The following LPA variants were observed in gnomAD, a reference collection of about 807,000 sequenced individuals.
The protein encoded by LPA is lipoprotein(a), also known as apolipoprotein(a).
Under a neutral mutation model 197.9 loss-of-function variants are expected in LPA, and 199 were observed. The observed-to-expected ratio is 1.01, with a 90% CI of 0.90 to 1.13. LPA has a LOEUF of 1.13. Among genes scored for constraint, LPA ranks in the 50% most tolerant of loss-of-function variants. The pLI, the probability that LPA is intolerant of heterozygous loss-of-function variation, is 0.00. For synonymous variants in LPA, 715 were observed against 639.5 expected (o/e 1.12, Z -1.78); for missense variants, 1,853 against 1,785.8 (o/e 1.04, Z -0.68).
intron 19 of LPA, 82 bp downstream of exon 19, chr6:160,600,835 T>G (rs900201324): frequency 5.4e-6 from 8 of 1,469,754 alleles, no homozygotes; most frequent in Non-Finnish European, 6.6e-6. Context: ...AGTGTAGCAC[T>G]GAAGGGTTGT....
At chr6:160,660,053 TACA>T (rs1356842074) in intron 1 of LPA, among the ~76,000 whole-genome samples, 8,610 of 119,286 alleles carry the variant, frequency 0.072, no homozygotes, top group African/African-American at 0.15. Flanking sequence ...TTATTAAGAA[TACA>T]AGAAGTACAA....
intron 2 of LPA, among the ~76,000 whole-genome samples, chr6:160,647,625 A>C (rs1249495228): frequency 6.6e-6 from 1 of 152,174 alleles, no homozygotes; most frequent in Non-Finnish European, 1.5e-5. Context: ...TCAGAGTTAA[A>C]AACTTTGTGA....
At chr6:160,573,345 CTT>C (rs200682905) in intron 28 of LPA, among the ~76,000 whole-genome samples, 1 of 145,768 alleles carries the variant, frequency 6.9e-6, no homozygotes. Context: ...CTTCTTATAC[CTT>C]TTTTTTTTTG....
rs1045361457 is a variant in LPA, at chr6:160,596,368, A to G, written c.3288-833T>C. The stretch of plus-strand genomic sequence containing the variant: ...TCACTGGTTTGGACTACTTCCTTCC[A>G]TCTGCTTTCCTTGGCTCTTATTTGC... On this transcript the variant is annotated intron_variant, in intron 20 of 38. Transcript: ENST00000316300. Among the ~76,000 whole-genome samples, 3 of 147,920 alleles carry G rather than the reference A, an allele frequency of 2.0e-5. 1 individual carries two copies. The highest frequency in any genetic ancestry group is 4.5e-5 in the Non-Finnish European group (3 of 67,300).
chr6:160,554,845 G>A (rs534073573), intron 30 of LPA, among the ~76,000 whole-genome samples: 1 of 152,024 alleles, frequency 6.6e-6, no homozygotes. Context: ...CCAAACTCCA[G>A]TCTCTTTCCT....
At chr6:160,565,960 GAGAAGAGAAGTTT>G (rs1778445899) in intron 28 of LPA, among the ~76,000 whole-genome samples, 1 of 152,240 alleles carries the variant, frequency 6.6e-6, no homozygotes, top group African/African-American at 2.4e-5. Context: ...GAAATGAAGC[GAGAAGAGAAGTTT>G]AGAGAAAAAA....
chr6:160,609,911 T>C (rs536338987), intron 16 of LPA, among the ~76,000 whole-genome samples: 1 of 152,192 alleles, frequency 6.6e-6, no homozygotes, highest in East Asian at 1.9e-4. Flanking sequence ...ACATCTAAAT[T>C]TTTCAGGCGG....
chr6:160,656,825 C>G (rs1034028826), intron 1 of LPA, among the ~76,000 whole-genome samples: 1 of 152,146 alleles, frequency 6.6e-6, no homozygotes, highest in African/African-American at 2.4e-5. Flanking sequence ...TTTTATAATT[C>G]AGATTAGTCT....
chr6:160,588,961 T>C (rs1359512497), intron 24 of LPA, among the ~76,000 whole-genome samples: 1 of 152,212 alleles, frequency 6.6e-6, no homozygotes, highest in Admixed American at 6.5e-5. Flanking sequence ...TGGGTTTCTG[T>C]CCATCTTCCT....
chr6:160,590,861 G>C, intron 23 of LPA, 83 bp downstream of exon 23: 1 of 1,565,502 alleles, frequency 6.4e-7, no homozygotes, highest in East Asian at 2.3e-5. Context: ...GTGCAGCATG[G>C]AAGGCTTCTG....
intron 17 of LPA, among the ~76,000 whole-genome samples, chr6:160,605,708 G>A (rs117834984): frequency 6.6e-6 from 1 of 152,156 alleles, no homozygotes; most frequent in Non-Finnish European, 1.5e-5. Context: ...TGGGCCATGG[G>A]AGAGACAACA....
rs553540292 is a variant in LPA, at chr6:160,536,313, G to A, written c.5842+1542C>T. Among the ~76,000 whole-genome samples, 7 of 152,260 alleles carry A rather than the reference G, an allele frequency of 4.6e-5. No individual in the cohort carries two copies. In the South Asian group the frequency reaches 1.5e-3, roughly 32 times the overall value. ...GCTCACTAAGAATTTCCCTTGTTTT[G>A]CTTAATCCAATTTGAGTTGGATTTT... On this transcript the variant is annotated intron_variant, in intron 37 of 38. Transcript: ENST00000316300.
chr6:160,550,700 C>T (rs924885868), intron 30 of LPA, among the ~76,000 whole-genome samples: 1 of 152,206 alleles, frequency 6.6e-6, no homozygotes, highest in Admixed American at 6.5e-5. Context: ...CTACTCTCTT[C>T]CCATGGCCAG....
intron 18 of LPA, among the ~76,000 whole-genome samples, chr6:160,604,323 C>T (rs1583614167): frequency 3.3e-5 from 5 of 152,108 alleles, no homozygotes; most frequent in South Asian, 2.1e-4. Context: ...CTCATTGTTC[C>T]CCCTGTCACT....
At chr6:160,581,197 T>C (rs1279810876) in intron 26 of LPA, among the ~76,000 whole-genome samples, 1 of 152,174 alleles carries the variant, frequency 6.6e-6, no homozygotes, top group East Asian at 1.9e-4. Flanking sequence ...TTAAATTGCT[T>C]TGCTACCTGT....
intron 28 of LPA, among the ~76,000 whole-genome samples, chr6:160,568,541 GC>G (rs2115022029): frequency 6.6e-6 from 1 of 152,126 alleles, no homozygotes; most frequent in Non-Finnish European, 1.5e-5. Context: ...TACTGAATGG[GC>G]AAAAACTGGA....
chr6:160,591,079 T>C lies in LPA; in HGVS notation c.3652A>G (p.Arg1218Gly), dbSNP rs756035439. The stretch of plus-strand genomic sequence containing the variant: ...GGACTAATCTCAGCATCTGGATTCC[T>C]GCAGTAGTTCCTGGTCAGGCCACTG... ...PNGGLTRNYC[R>G]NPDAEISPWC... is the part of the protein sequence containing the mutation. Residue 1218 changes from arginine (R) to glycine (G), a missense_variant, in exon 23 of 39, where the codon AGG (arginine) becomes GGG (glycine). Transcript: ENST00000316300. The C allele has an allele frequency of 1.1e-5, 17 of 1,613,714 alleles. No homozygotes were observed. The East Asian group carries it at 3.8e-4, about 36-fold the overall frequency.
intron 16 of LPA, among the ~76,000 whole-genome samples, chr6:160,606,915 T>C (rs531812714): frequency 2.0e-5 from 3 of 152,330 alleles, no homozygotes; most frequent in East Asian, 1.9e-4. Context: ...AGATAATACA[T>C]ACACGTGGGC....
At position 160,553,954 on chromosome 6, in the gene LPA, T is replaced by TGTGTGTGTGTGTGTGTGTGTGCGC. The variant is rs771903485; in HGVS notation, c.4973+2070_4973+2071insGCGCACACACACACACACACACAC. Among the ~76,000 whole-genome samples the TGTGTGTGTGTGTGTGTGTGTGCGC allele has an allele frequency of 2.5e-3, 333 of 130,776 alleles. 2 individuals carry two copies. Among genetic ancestry groups the TGTGTGTGTGTGTGTGTGTGTGCGC allele is most frequent in the East Asian group, 6.2e-3 (27 of 4,382 alleles). The allele number at this position is 130,776 out of a possible 152,430, so 85.8% of individuals were successfully genotyped here. ...CTCTCTCTCTGTGTGTGTGTGTGTGTGCGCGCGCGCGCGTGTGCGTGTGTG... is the reference window on the plus strand; with the variant it reads ...CTCTCTCTCTGTGTGTGTGTGTGTGTGTGTGTGTGTGTGTGTGTGTGCGCGCGCGCGCGCGCGTGTGCGTGTGTG... On this transcript the variant is annotated intron_variant, in intron 30 of 38. Transcript: ENST00000316300.
Sources: allele counts gnomAD v4.1 joint callset (sites outside exome capture counted in the v4.1 genomes callset), GRCh38; gene constraint gnomAD v4.1.1; transcripts MANE v1.5; gene names NCBI Gene and HGNC (gene_info 2026-07-23, HGNC 2026-07-21).